SORT1: variants seen among roughly 807,000 people sequenced by gnomAD.
The protein encoded by SORT1 is sortilin.
In SORT1, 39 loss-of-function variants were observed where a neutral mutation model predicts 101.7. The observed-to-expected ratio is 0.38, with a 90% CI of 0.30 to 0.50. SORT1 has a LOEUF of 0.50. Among genes scored for constraint, SORT1 ranks in the 20% least tolerant of loss-of-function variants. The pLI, the probability that SORT1 is intolerant of heterozygous loss-of-function variation, is 0.90. For synonymous variants in SORT1, 396 were observed against 393.7 expected (o/e 1.01, Z -0.07); for missense variants, 878 against 1,040.4 (o/e 0.84, Z 2.15).
chr1:109,385,741 T>C (rs1652532811), intron 1 of SORT1, among the ~76,000 whole-genome samples: 1 of 152,242 alleles, frequency 6.6e-6, no homozygotes, highest in Non-Finnish European at 1.5e-5. Context: ...CTGCCTGAGA[T>C]ACTCTTCCTG....
chr1:109,347,843 A>C (rs1335218120), intron 6 of SORT1, among the ~76,000 whole-genome samples: 2 of 152,116 alleles, frequency 1.3e-5, no homozygotes, highest in African/African-American at 2.4e-5. Context: ...TGGGTGGCGG[A>C]GGTGTTATTG....
In SORT1 at chr1:109,309,844, A is replaced by G. The variant is rs1018588246; in HGVS notation, c.*4199T>C. On this transcript the variant is annotated 3_prime_UTR_variant, in exon 20 of 20. Coordinates refer to ENST00000256637, the MANE Select transcript of SORT1 (RefSeq NM_002959.7). ...GGTTTTTAGGGCACATGCAGTAATG[A>G]TCTTAATACTGCTTTACACTTTCGT... 7 of 152,534 alleles carry G rather than the reference A, an allele frequency of 4.6e-5. No homozygotes were observed. The highest frequency in any genetic ancestry group is 1.7e-4 in the African/African-American group (7 of 41,422). The allele number at this position is 152,534 out of a possible 1,614,324, so 9.4% of individuals were successfully genotyped here. A position where few individuals can be genotyped will look rare whatever the true frequency, so the allele number is the denominator to read the frequency against.
At chr1:109,393,109 G>A in intron 1 of SORT1, 1 of 985,442 alleles carries the variant, frequency 1.0e-6, no homozygotes, top group East Asian at 1.1e-4. Context: ...TGAAGCCTCT[G>A]ACAGGCACAC....
At chr1:109,323,679 T>C (rs941495382) in intron 14 of SORT1, among the ~76,000 whole-genome samples, 3 of 152,246 alleles carry the variant, frequency 2.0e-5, no homozygotes, top group African/African-American at 4.8e-5. Flanking sequence ...TCTGGCTTAG[T>C]ATGTCGTATC....
At chr1:109,341,397 A>C (rs1318017185) in intron 9 of SORT1, among the ~76,000 whole-genome samples, 2 of 151,694 alleles carry the variant, frequency 1.3e-5, no homozygotes, top group Non-Finnish European at 2.9e-5. Context: ...CCCAGGCTGG[A>C]GTGCAGTGGC....
At chr1:109,371,287 G>A (rs971658491) in intron 1 of SORT1, among the ~76,000 whole-genome samples, 27 of 152,204 alleles carry the variant, frequency 1.8e-4, no homozygotes, top group African/African-American at 6.5e-4. Context: ...ACATAGCAGT[G>A]TGTCTTATAT....
intron 16 of SORT1, 89 bp downstream of exon 16, chr1:109,317,764 G>C (rs1295158712): frequency 1.1e-6 from 1 of 890,478 alleles, no homozygotes; most frequent in African/African-American, 1.7e-5. Flanking sequence ...CTCTAAAGTA[G>C]GGCTTGGATC....
intron 4 of SORT1, 29 bp from the exon 5 acceptor site, chr1:109,354,560 GGGTATGATACT>G (rs1650181812): frequency 6.3e-7 from 1 of 1,578,798 alleles, no homozygotes; most frequent in Non-Finnish European, 8.7e-7. Flanking sequence ...ATCTGATTCA[GGGTATGATACT>G]ATCTATGCAA....
chr1:109,368,172 T>C (rs1276722000), intron 2 of SORT1, among the ~76,000 whole-genome samples: 1 of 151,836 alleles, frequency 6.6e-6, no homozygotes, highest in East Asian at 1.9e-4. Flanking sequence ...TGCTTGCCTG[T>C]AGTCCCAGCT....
At chr1:109,351,840 A>C (rs1649980406) in intron 5 of SORT1, among the ~76,000 whole-genome samples, 1 of 152,238 alleles carries the variant, frequency 6.6e-6, no homozygotes, top group African/African-American at 2.4e-5. Flanking sequence ...AATGACTGCC[A>C]CATTAGTTCG....
At chr1:109,393,926 A>T (rs1653049599) in intron 1 of SORT1, among the ~76,000 whole-genome samples, 1 of 151,838 alleles carries the variant, frequency 6.6e-6, no homozygotes, top group South Asian at 2.1e-4. Flanking sequence ...TTTAACACAC[A>T]CTCATTTAAT....
chr1:109,340,757 G>C lies in SORT1; in HGVS notation c.1231C>G (p.Arg411Gly). 6.2e-7 allele frequency: 1 copy of C among 1,614,130 alleles called. No homozygotes were observed. Among genetic ancestry groups the C allele is most frequent in the Non-Finnish European group, 8.5e-7 (1 of 1,180,012 alleles). Residue 411 changes from arginine to glycine, a missense_variant, in exon 10 of 20, where the codon CGC becomes GGC. Transcript: ENST00000256637. ...ETDFTNVTSL[R>G]GVYITSVLSE... is the part of the protein sequence containing the mutation. ...AGCACGCTTGTTATGTAGACGCCGC[G>C]GAGGGAGGTCACGTTGGTAAAGTCC... is the stretch of plus-strand genomic sequence containing the variant.
Position 109,327,569 on chromosome 1 carries a change from G to A in SORT1, c.1404C>T (p.Ile468=). 1 of 1,610,074 alleles carries A rather than the reference G, an allele frequency of 6.2e-7. No homozygotes were observed. Among genetic ancestry groups the A allele is most frequent in the African/African-American group, 1.3e-5 (1 of 74,840 alleles). ...CCATTGGAACATTCAGTTTCTGGGA[G>A]ATGCTGTAGGAAGCATGAATATGAA... ...CSLHIHASYS[I]SQKLNVPMAP... is the part of the protein sequence containing the mutation. The change falls in exon 12 of 20, where the codon ATC becomes ATT. Residue 468 remains isoleucine, a synonymous_variant. Transcript: ENST00000256637.
intron 7 of SORT1, among the ~76,000 whole-genome samples, chr1:109,346,628 C>T (rs1184017138): frequency 6.6e-6 from 1 of 151,586 alleles, no homozygotes; most frequent in Non-Finnish European, 1.5e-5. Context: ...GTCTGTAGTC[C>T]CAGCTACACA....
intron 1 of SORT1, among the ~76,000 whole-genome samples, chr1:109,381,729 A>G (rs908520266): frequency 3.3e-5 from 5 of 152,116 alleles, no homozygotes; most frequent in Admixed American, 3.3e-4. Flanking sequence ...AACAACAACA[A>G]TAAAAACTAG....
rs991039121 is a variant in SORT1, at chr1:109,334,275, T to A, written c.1371+1965A>T. Among the ~76,000 whole-genome samples, 5 of 152,210 alleles carry A rather than the reference T, an allele frequency of 3.3e-5. No individual in the cohort carries two copies. The East Asian group carries it at 9.6e-4, about 29-fold the overall frequency. ...GCTCCCATGTCCACTGCAGTATTATTCACAATAGCCAAGCTACAGAATCAA... is the reference window on the plus strand; with the variant it reads ...GCTCCCATGTCCACTGCAGTATTATACACAATAGCCAAGCTACAGAATCAA... On this transcript the variant is annotated intron_variant, in intron 11 of 19. Transcript: ENST00000256637.
intron 1 of SORT1, among the ~76,000 whole-genome samples, chr1:109,396,599 AG>A (rs1653187160): frequency 6.6e-6 from 1 of 152,232 alleles, no homozygotes; most frequent in African/African-American, 2.4e-5. Flanking sequence ...GGCAGTCCAA[AG>A]GGAGACTGAG....
At chr1:109,374,101 T>C (rs1651664612) in intron 1 of SORT1, among the ~76,000 whole-genome samples, 1 of 151,820 alleles carries the variant, frequency 6.6e-6, no homozygotes, top group Non-Finnish European at 1.5e-5. Flanking sequence ...AAAATAAATT[T>C]TTAAAAATAA....
rs543465264 is a variant in SORT1 at position 109,313,148 on chromosome 1, G to A, written c.*895C>T. ...ACTGTGTACCCGACAATCAACTCTA[G>A]GGAAGAGATCATTCAGCCTGGGCAG... is the stretch of plus-strand genomic sequence containing the variant. On this transcript the variant is annotated 3_prime_UTR_variant, in exon 20 of 20. Coordinates refer to ENST00000256637, the MANE Select transcript of SORT1 (RefSeq NM_002959.7). 4 of 152,328 alleles carry A rather than the reference G, an allele frequency of 2.6e-5. No homozygotes were observed. The highest frequency in any genetic ancestry group is 5.9e-5 in the Non-Finnish European group (4 of 68,044). 9.4% of individuals were successfully genotyped at this position (152,328 alleles called of 1,614,324 possible).
Sources: gnomAD v4.1 joint callset for allele counts (sites outside exome capture counted in the v4.1 genomes callset) on GRCh38, gnomAD v4.1.1 for gene constraint, MANE v1.5 for transcripts, NCBI Gene and HGNC (gene_info 2026-07-23, HGNC 2026-07-21) for gene names.